The following SPAG6 variants were observed in gnomAD, a reference collection of about 807,000 sequenced individuals.
SPAG6 encodes sperm-associated antigen 6.
Under a neutral mutation model 58.5 loss-of-function variants are expected in SPAG6, and 49 were observed. The observed-to-expected ratio is 0.84, with a 90% CI of 0.67 to 1.06. The LOEUF is 1.06. Among genes scored for constraint, SPAG6 ranks in the 50% least tolerant of loss-of-function variants. The pLI is 0.00. For synonymous variants in SPAG6, 233 were observed against 225.6 expected (o/e 1.03, Z -0.29); for missense variants, 560 against 611.3 (o/e 0.92, Z 0.89).
chr10:22,408,807 C>T (rs1453462403), intron 9 of SPAG6, among the ~76,000 whole-genome samples: 1 of 152,236 alleles, frequency 6.6e-6, no homozygotes, highest in Non-Finnish European at 1.5e-5. Context: ...GGGTAGGACC[C>T]TCCGAGCCAT....
chr10:22,413,687 T>TTATATATATA (rs1564384057), intron 10 of SPAG6, among the ~76,000 whole-genome samples: 30 of 130,132 alleles, frequency 2.3e-4, no homozygotes, highest in African/African-American at 1.3e-3. Flanking sequence ...TTCAAATTTC[T>TTATATATATA]GATATATATA....
intron 9 of SPAG6, among the ~76,000 whole-genome samples, chr10:22,410,393 G>A (rs1478881552): frequency 6.6e-6 from 1 of 152,134 alleles, no homozygotes; most frequent in Non-Finnish European, 1.5e-5. Flanking sequence ...TAAGCACGTG[G>A]ATGGTGGTTT....
chr10:22,389,326 T>A lies in SPAG6; in HGVS notation c.1005+14T>A. ...ATCATTTCTAAGGTTTGTTCTTGCTTCGTTTTCTTCCAGTTGCAGTAAGAA... is the reference window on the plus strand; with the variant it reads ...ATCATTTCTAAGGTTTGTTCTTGCTACGTTTTCTTCCAGTTGCAGTAAGAA... On this transcript the variant is annotated intron_variant, in intron 7 of 10. Coordinates refer to ENST00000376624, the MANE Select transcript of SPAG6 (RefSeq NM_012443.4). 6.2e-7 allele frequency: 1 copy of A among 1,606,700 alleles called. No homozygotes were observed. Among genetic ancestry groups the A allele is most frequent in the Non-Finnish European group, 8.5e-7 (1 of 1,175,366 alleles).
At chr10:22,370,022 G>A (rs1188526641) in intron 4 of SPAG6, among the ~76,000 whole-genome samples, 1 of 151,928 alleles carries the variant, frequency 6.6e-6, no homozygotes, top group Admixed American at 6.6e-5. Context: ...GAAATTTAGT[G>A]GATAAATTAT....
chr10:22,364,924 C>T lies in SPAG6; in HGVS notation c.193C>T (p.Leu65Phe), dbSNP rs1837151232. Residue 65 changes from leucine (L) to phenylalanine (F), a missense_variant, in exon 3 of 11, where the codon CTT (leucine) becomes TTT (phenylalanine). Physicochemically the swap from Leu to Phe is conservative, Grantham distance 22. Coordinates refer to ENST00000376624, the MANE Select transcript of SPAG6 (RefSeq NM_012443.4). ...AATTCAACAGACTGCTGCTTTGGCT[C>T]TTGGGAGACTGGCCAATTATAATGA... ...PTIQQTAALA[L>F]GRLANYNDDL... is the part of the protein sequence containing the mutation. The T allele has an allele frequency of 7.4e-6, 12 of 1,613,416 alleles. No homozygotes were observed. Among genetic ancestry groups the T allele is most frequent in the Non-Finnish European group, 1.0e-5 (12 of 1,179,548 alleles).
intron 4 of SPAG6, among the ~76,000 whole-genome samples, chr10:22,385,989 C>T (rs7086718): frequency 0.098 from 14,960 of 152,118 alleles, 1,996 homozygotes; most frequent in African/African-American, 0.31. Context: ...TTATATGGGT[C>T]TGCTTGCCTG....
At chr10:22,363,800 G>GT (rs1837112800) in intron 2 of SPAG6, among the ~76,000 whole-genome samples, 1 of 152,164 alleles carries the variant, frequency 6.6e-6, no homozygotes, top group African/African-American at 2.4e-5. Flanking sequence ...TTGCTTTTGT[G>GT]TATAACTAGG....
Position 22,401,194 on chromosome 10 carries a change from T to A in SPAG6, c.1231T>A (p.Cys411Ser), listed in dbSNP as rs554260686. 15 of 1,602,502 alleles carry A rather than the reference T, an allele frequency of 9.4e-6. No homozygotes were observed. In the South Asian group the frequency reaches 1.7e-4, roughly 18 times the overall value. Residue 411 changes from cysteine to serine, a missense_variant, in exon 9 of 11, where the codon TGT becomes AGT. Transcript: ENST00000376624. ...KKAIKNILQKCTYLPALEPFL... is the reference protein window; with the variant it reads ...KKAIKNILQKSTYLPALEPFL... ...AGCCATAAAGAATATCCTGCAAAAA[T>A]GTACCTACTTACCAGCCCTTGAACC...
At chr10:22,402,290 A>G (rs1834432798) in intron 9 of SPAG6, among the ~76,000 whole-genome samples, 1 of 152,224 alleles carries the variant, frequency 6.6e-6, no homozygotes, top group Non-Finnish European at 1.5e-5. Flanking sequence ...GATTTAAAAA[A>G]AAATGAATGG....
At chr10:22,346,710 A>C (rs546758101) in intron 2 of SPAG6, among the ~76,000 whole-genome samples, 1 of 152,168 alleles carries the variant, frequency 6.6e-6, no homozygotes, top group East Asian at 1.9e-4. Flanking sequence ...AAGTGTAATG[A>C]TTACTCTGGG....
chr10:22,411,143 G>C lies in SPAG6; in HGVS notation c.1427G>C (p.Ser476Thr), dbSNP rs751582113. Residue 476 changes from serine (S) to threonine (T), a missense_variant, in exon 10 of 11, where the codon AGT becomes ACT. Coordinates refer to ENST00000376624, the MANE Select transcript of SPAG6 (RefSeq NM_012443.4). ...PGSLLQEYIN[S>T]INSCYPEEIV... is the part of the protein sequence containing the mutation. ...TCTCTCCTTCAAGAATACATCAACA[G>C]TATTAACAGTTGTTACCCCGAGGAA... 6 of 1,613,064 alleles carry C rather than the reference G, an allele frequency of 3.7e-6. 1 individual carries two copies. In the South Asian group the frequency reaches 6.6e-5, roughly 18 times the overall value.
At chr10:22,389,427 T>G in intron 7 of SPAG6, 115 bp downstream of exon 7, 1 of 1,079,234 alleles carries the variant, frequency 9.3e-7, no homozygotes, top group South Asian at 1.7e-5. Flanking sequence ...AAAAATTACC[T>G]GAAAAAAATT....
chr10:22,363,657 A>G (rs562451951), intron 2 of SPAG6, among the ~76,000 whole-genome samples: 1 of 152,328 alleles, frequency 6.6e-6, no homozygotes, highest in South Asian at 2.1e-4. Context: ...TTTTGGTCTA[A>G]TCCTAAGTGT....
chr10:22,393,824 G>A (rs1050077581), intron 8 of SPAG6, among the ~76,000 whole-genome samples: 18 of 152,198 alleles, frequency 1.2e-4, no homozygotes, highest in African/African-American at 3.9e-4. Context: ...AAGCCTGTTC[G>A]ATTTGACACC....
intron 10 of SPAG6, 58 bp downstream of exon 10, chr10:22,411,234 A>T: frequency 6.8e-7 from 1 of 1,464,956 alleles, no homozygotes; most frequent in Non-Finnish European, 9.3e-7. Flanking sequence ...CTGTTTTCAC[A>T]TCTAGGTTTT....
intron 9 of SPAG6, among the ~76,000 whole-genome samples, chr10:22,403,055 C>T (rs1430317934): frequency 2.6e-5 from 4 of 152,126 alleles, no homozygotes. Context: ...GGAAGTTAGA[C>T]AGCCCCAAGA....
At chr10:22,376,317 T>C (rs906662912) in intron 4 of SPAG6, among the ~76,000 whole-genome samples, 4 of 152,226 alleles carry the variant, frequency 2.6e-5, no homozygotes, top group African/African-American at 9.6e-5. Flanking sequence ...TCTCACTAAA[T>C]GTTTAAAATA....
At chr10:22,353,700 G>A (rs946910318) in intron 2 of SPAG6, among the ~76,000 whole-genome samples, 6 of 152,190 alleles carry the variant, frequency 3.9e-5, no homozygotes, top group Non-Finnish European at 8.8e-5. Context: ...AAAATCGGAG[G>A]CATAGTCCCT....
chr10:22,397,496 AG>A (rs1021818045), intron 8 of SPAG6, among the ~76,000 whole-genome samples: 2 of 152,090 alleles, frequency 1.3e-5, no homozygotes, highest in Admixed American at 6.5e-5. Flanking sequence ...TGGTATTTTT[AG>A]TAGAGACAGG....
Sources: allele counts gnomAD v4.1 joint callset (sites outside exome capture counted in the v4.1 genomes callset), GRCh38; gene constraint gnomAD v4.1.1; transcripts MANE v1.5; gene names NCBI Gene and HGNC (gene_info 2026-07-23, HGNC 2026-07-21).